CASD1: variants seen among roughly 807,000 people sequenced by gnomAD.
The protein encoded by CASD1 is N-acetylneuraminate (7)9-O-acetyltransferase.
A neutral mutation model predicts 100.0 loss-of-function variants in CASD1; 41 were observed. That is an observed-to-expected ratio of 0.41 (90% confidence interval 0.32 to 0.53). The LOEUF is 0.53. CASD1 is among the 20% of genes least tolerant of loss of function. The pLI is 0.25. For synonymous variants in CASD1, 321 were observed against 315.6 expected (o/e 1.02, Z -0.18); for missense variants, 774 against 948.7 (o/e 0.82, Z 2.42).
At chr7:94,525,461 T>C (rs907367483) in intron 3 of CASD1, among the ~76,000 whole-genome samples, 6 of 152,188 alleles carry the variant, frequency 3.9e-5, no homozygotes, top group Admixed American at 2.6e-4. Flanking sequence ...CATGGATTCA[T>C]GAGTGTTGAT....
the CASD1 span, among the ~76,000 whole-genome samples, chr7:94,610,808 A>C: frequency 2.6e-5 from 4 of 152,230 alleles, no homozygotes; most frequent in African/African-American, 9.6e-5. Flanking sequence ...CTTAATCAAA[A>C]AATGAATAAT....
chr7:94,546,986 T>C (rs938324612), intron 12 of CASD1, 110 bp from the exon 13 acceptor site: 1 of 604,574 alleles, frequency 1.7e-6, no homozygotes, highest in African/African-American at 2.0e-5. Context: ...GTAAGCATTC[T>C]TATATTATTT....
intron 1 of CASD1, among the ~76,000 whole-genome samples, chr7:94,515,620 C>A (rs1370844761): frequency 6.6e-6 from 1 of 151,964 alleles, no homozygotes; most frequent in Non-Finnish European, 1.5e-5. Context: ...ATACCGGTAA[C>A]CCATATAGAT....
chr7:94,607,960 T>A, the CASD1 span, among the ~76,000 whole-genome samples: 1 of 152,106 alleles, frequency 6.6e-6, no homozygotes, highest in Non-Finnish European at 1.5e-5. Context: ...TCAAAATACA[T>A]GAGGCAAGAG....
At chr7:94,624,162 CAA>C in the CASD1 span, 9,680 of 344,978 alleles carry the variant, frequency 0.028, no homozygotes, top group Middle Eastern at 0.046. Context: ...TGCAGTACCT[CAA>C]AAAAAAAAAA....
At chr7:94,592,287 A>G in the CASD1 span, among the ~76,000 whole-genome samples, 2 of 152,290 alleles carry the variant, frequency 1.3e-5, no homozygotes, top group Admixed American at 6.5e-5. Flanking sequence ...TTCAATCCCA[A>G]CTCTGCTAGT....
the CASD1 span, among the ~76,000 whole-genome samples, chr7:94,581,377 CTTTTG>C: frequency 6.6e-6 from 1 of 152,252 alleles, no homozygotes. Context: ...TCATTTCCAA[CTTTTG>C]TTTTAAGCTC....
chr7:94,617,248 C>A, the CASD1 span: 5 of 152,198 alleles, frequency 3.3e-5, no homozygotes, highest in African/African-American at 1.2e-4. Flanking sequence ...CTTTAGGTCA[C>A]AGTTTGGTTT....
In CASD1 at chr7:94,509,849, A is replaced by C. The variant is rs1793592467; in HGVS notation, c.-236A>C. 1.0e-6 allele frequency: 1 copy of C among 988,664 alleles called. No individual in the cohort carries two copies. Among genetic ancestry groups the C allele is most frequent in the African/African-American group, 1.8e-5 (1 of 56,588 alleles). 61.2% of individuals were successfully genotyped at this position (988,664 alleles called of 1,614,324 possible). A position where few individuals can be genotyped will look rare whatever the true frequency, so the allele number is the denominator to read the frequency against. On this transcript the variant is annotated 5_prime_UTR_variant, in exon 1 of 18. Coordinates refer to ENST00000297273, the MANE Select transcript of CASD1 (RefSeq NM_022900.5). ...GGCGCCTGGGGAACCGGCACGGCGG[A>C]GCAGCGGCGGCGGGGCTGGGGGGAG... is the stretch of plus-strand genomic sequence containing the variant.
At chr7:94,522,112 C>G (rs1296296972) in intron 3 of CASD1, among the ~76,000 whole-genome samples, 1 of 152,052 alleles carries the variant, frequency 6.6e-6, no homozygotes, top group African/African-American at 2.4e-5. Flanking sequence ...ATGGTAAAAA[C>G]ATTTATGGTC....
chr7:94,539,042 T>G lies in CASD1; in HGVS notation c.1342T>G (p.Ser448Ala), dbSNP rs1795255083. ...ACTTGTGATTTTGATTTATCACATTTCTGGAGCAAGTACAGTAAGTATTTG... is the reference window on the plus strand; with the variant it reads ...ACTTGTGATTTTGATTTATCACATTGCTGGAGCAAGTACAGTAAGTATTTG... ...MQLVILIYHI[S>A]GASTFLPVYM... is the part of the protein sequence containing the mutation. The change falls in exon 10 of 18, where the codon TCT becomes GCT. Residue 448 changes from serine (S) to alanine (A), a missense_variant. Ser to Ala is a moderately conservative substitution (Grantham distance 99). Around this residue, in one of 5 missense-constraint regions of CASD1, gnomAD observed 453 missense variants for 532.6 expected, o/e 0.85. Transcript: ENST00000297273. The G allele has an allele frequency of 6.3e-7, 1 of 1,596,688 alleles. No individual in the cohort carries two copies.
chr7:94,588,180 G>A, the CASD1 span: 1 of 1,085,132 alleles, frequency 9.2e-7, no homozygotes, highest in Non-Finnish European at 1.1e-6. Flanking sequence ...AATAATCCAA[G>A]GAGAATTGTC....
At chr7:94,566,322 T>A in the CASD1 span, among the ~76,000 whole-genome samples, 1 of 152,098 alleles carries the variant, frequency 6.6e-6, no homozygotes, top group Non-Finnish European at 1.5e-5. Context: ...AAAATATAAT[T>A]TAATTTTTAT....
chr7:94,617,540 ATTACT>A, the CASD1 span: 9 of 152,204 alleles, frequency 5.9e-5, no homozygotes, highest in Non-Finnish European at 1.3e-4. Flanking sequence ...TTCTGCTTTA[ATTACT>A]TTATAGGAAA....
rs376482131 is a variant in CASD1, at chr7:94,510,319, C to G, written c.133+102C>G. On this transcript the variant is annotated intron_variant, in intron 1 of 17. Transcript: ENST00000297273. ...CCCAACACACGCCCACGCGGCCTTC[C>G]GCCGGCCCGGCCCGCGGGGGAGGCG... 1.2e-5 allele frequency: 11 copies of G among 930,532 alleles called. 2 individuals carry two copies. The highest frequency in any genetic ancestry group is 8.7e-5 in the Admixed American group (2 of 22,882). 57.6% of individuals were successfully genotyped at this position (930,532 alleles called of 1,614,324 possible).
At chr7:94,526,093 T>C (rs1400759351) in intron 3 of CASD1, among the ~76,000 whole-genome samples, 2 of 152,210 alleles carry the variant, frequency 1.3e-5, no homozygotes, top group Non-Finnish European at 2.9e-5. Context: ...CCTAGAGTCA[T>C]GTTCATCCAT....
chr7:94,612,117 A>C, the CASD1 span, among the ~76,000 whole-genome samples: 1 of 152,232 alleles, frequency 6.6e-6, no homozygotes, highest in Non-Finnish European at 1.5e-5. Flanking sequence ...GACCGAGATT[A>C]AATGAATGTT....
chr7:94,618,852 C>G, the CASD1 span: 1 of 1,614,076 alleles, frequency 6.2e-7, no homozygotes, highest in Non-Finnish European at 8.5e-7. Flanking sequence ...GGCTGCCACA[C>G]ATTTTTCACT....
chr7:94,516,801 CT>C (rs1171424887), intron 1 of CASD1, among the ~76,000 whole-genome samples: 6 of 151,966 alleles, frequency 3.9e-5, no homozygotes, highest in Admixed American at 3.9e-4. Flanking sequence ...AGTTACGGAA[CT>C]TTCTGTTTAA....
Sources: gnomAD v4.1 joint callset for allele counts (sites outside exome capture counted in the v4.1 genomes callset) on GRCh38, gnomAD v4.1.1 for gene constraint, gnomAD v4.1.1 regional missense constraint, MANE v1.5 for transcripts, NCBI Gene and HGNC (gene_info 2026-07-23, HGNC 2026-07-21) for gene names.